The following EIF2B3 variants were observed in gnomAD, a reference collection of about 807,000 sequenced individuals.
The protein encoded by EIF2B3 is eukaryotic translation initiation factor 2B subunit gamma, also known as translation initiation factor eIF2B subunit gamma.
In EIF2B3, 20 loss-of-function variants were observed where a neutral mutation model predicts 54.1. The ratio of observed to expected loss-of-function variants is 0.37; its 90% CI spans 0.26 to 0.54. The LOEUF is 0.54. EIF2B3 is among the 20% of genes least tolerant of loss of function. The pLI, the probability that EIF2B3 is intolerant of heterozygous loss-of-function variation, is 0.86. For missense variants in EIF2B3, 448 were observed against 547.8 expected (o/e 0.82, Z 1.82); for synonymous variants, 153 against 188.1 (o/e 0.81, Z 1.52).
chr1:44,901,260 C>T (rs1442213315), intron 5 of EIF2B3, among the ~76,000 whole-genome samples: 3 of 152,010 alleles, frequency 2.0e-5, no homozygotes, highest in Non-Finnish European at 4.4e-5. Context: ...AGATTACAAG[C>T]GCCCACCACC....
In EIF2B3 at chr1:44,896,034, A is replaced by T. The variant is rs150818393; in HGVS notation, c.656+1321T>A. 3.3e-3 allele frequency among the ~76,000 whole-genome samples: 509 copies of T among 152,192 alleles called. 4 individuals are homozygous for T. Among genetic ancestry groups the T allele is most frequent in the African/African-American group, 0.011 (468 of 41,514 alleles). The stretch of plus-strand genomic sequence containing the variant: ...GAAATAGCTCTTGGATCACCCTCTA[A>T]ATCTTGGCAACAAGTTACCCTGCTA... On this transcript the variant is annotated intron_variant, in intron 6 of 11. Coordinates refer to ENST00000360403, the MANE Select transcript of EIF2B3 (RefSeq NM_020365.5).
intron 3 of EIF2B3, among the ~76,000 whole-genome samples, chr1:44,944,847 G>A (rs749323282): frequency 1.3e-5 from 2 of 151,872 alleles, no homozygotes; most frequent in Admixed American, 6.6e-5. Context: ...AAATAGTCTG[G>A]AAAACATTGG....
chr1:44,895,756 T>C (rs1413534109), intron 6 of EIF2B3, among the ~76,000 whole-genome samples: 1 of 152,176 alleles, frequency 6.6e-6, no homozygotes, highest in Non-Finnish European at 1.5e-5. Context: ...AATGAGTTGA[T>C]AATTGTTGAA....
intron 5 of EIF2B3, among the ~76,000 whole-genome samples, chr1:44,913,428 GA>G (rs35087933): frequency 6.6e-6 from 1 of 150,402 alleles, no homozygotes; most frequent in Non-Finnish European, 1.5e-5. Flanking sequence ...TCTTTATGGA[GA>G]AAAAAAAGAA....
chr1:44,903,155 T>C (rs952950177), intron 5 of EIF2B3, among the ~76,000 whole-genome samples: 3 of 152,140 alleles, frequency 2.0e-5, no homozygotes, highest in Non-Finnish European at 2.9e-5. Flanking sequence ...ATGAACACTG[T>C]ACAAAACATC....
At chr1:44,950,968 C>T (rs941800248) in intron 3 of EIF2B3, among the ~76,000 whole-genome samples, 1 of 152,168 alleles carries the variant, frequency 6.6e-6, no homozygotes, top group African/African-American at 2.4e-5. Context: ...GGATTACAGG[C>T]GTAAGCCACT....
chr1:44,852,575 T>G (rs1654307915), intron 11 of EIF2B3, among the ~76,000 whole-genome samples: 1 of 150,582 alleles, frequency 6.6e-6, no homozygotes, highest in Non-Finnish European at 1.5e-5. Flanking sequence ...AGGTCGGGAG[T>G]TCAAGACCAG....
At chr1:44,880,070 C>G (rs762494860) in intron 7 of EIF2B3, 62 bp from the exon 8 acceptor site, 1 of 1,569,190 alleles carries the variant, frequency 6.4e-7, no homozygotes, top group Non-Finnish European at 8.7e-7. Context: ...CAGATACAGA[C>G]TCAGTCAAGT....
intron 6 of EIF2B3, among the ~76,000 whole-genome samples, chr1:44,894,774 T>G (rs1254869563): frequency 6.6e-6 from 1 of 152,148 alleles, no homozygotes; most frequent in Non-Finnish European, 1.5e-5. Context: ...GCCTCCTACT[T>G]ATCTTGAAGA....
At chr1:44,911,621 G>A (rs927956949) in intron 5 of EIF2B3, among the ~76,000 whole-genome samples, 4 of 152,158 alleles carry the variant, frequency 2.6e-5, no homozygotes, top group African/African-American at 9.7e-5. Flanking sequence ...AGGTTAAAAA[G>A]AAAACAGAAA....
chr1:44,976,850 G>C (rs1453324954), intron 3 of EIF2B3, among the ~76,000 whole-genome samples: 1 of 152,156 alleles, frequency 6.6e-6, no homozygotes, highest in Non-Finnish European at 1.5e-5. Flanking sequence ...TTAATACATA[G>C]TGATAGAAAC....
In EIF2B3 at chr1:44,897,456, T is replaced by C. The variant is rs777386256; in HGVS notation, c.567-12A>G. On this transcript the variant is annotated splice_polypyrimidine_tract_variant and intron_variant, in intron 5 of 11. Coordinates refer to ENST00000360403, the MANE Select transcript of EIF2B3 (RefSeq NM_020365.5). ...GTATTCTAGGATGCCTGCAAAAAAA[T>C]AAAAAATAAAAGAAAGAAAGAAGAG... The C allele has an allele frequency of 5.7e-6, 9 of 1,588,052 alleles. No homozygotes were observed. The Admixed American group carries it at 1.5e-4, about 27-fold the overall frequency.
intron 5 of EIF2B3, among the ~76,000 whole-genome samples, chr1:44,901,397 T>C (rs1358810443): frequency 6.6e-6 from 1 of 151,866 alleles, no homozygotes; most frequent in East Asian, 2.0e-4. Flanking sequence ...ATTACAGGCG[T>C]GAGCCACTGC....
chr1:44,886,300 C>T lies in EIF2B3; in HGVS notation c.657-4561G>A, dbSNP rs263959. On this transcript the variant is annotated intron_variant, in intron 6 of 11. Coordinates refer to ENST00000360403, the MANE Select transcript of EIF2B3 (RefSeq NM_020365.5). The stretch of plus-strand genomic sequence containing the variant: ...TTCAACATGTTGGCCAGGCTGGTCT[C>T]GAACTCCTGACCTCATGATCTGACC... Among the ~76,000 whole-genome samples, 1,019 of 147,524 alleles carry T rather than the reference C, an allele frequency of 6.9e-3. 13 individuals are homozygous for T. Among genetic ancestry groups the T allele is most frequent in the African/African-American group, 0.024 (964 of 39,850 alleles).
At chr1:44,929,681 G>A (rs1014572926) in intron 4 of EIF2B3, among the ~76,000 whole-genome samples, 2 of 152,174 alleles carry the variant, frequency 1.3e-5, no homozygotes, top group African/African-American at 4.8e-5. Flanking sequence ...AAGAAACACG[G>A]AGATGTTATT....
intron 4 of EIF2B3, among the ~76,000 whole-genome samples, chr1:44,933,784 C>T (rs1405548350): frequency 1.3e-5 from 2 of 152,070 alleles, no homozygotes; most frequent in Non-Finnish European, 2.9e-5. Flanking sequence ...GCTATTAGGT[C>T]AAAATGCTAT....
At chr1:44,862,694 C>T (rs1212031978) in intron 10 of EIF2B3, among the ~76,000 whole-genome samples, 1 of 152,124 alleles carries the variant, frequency 6.6e-6, no homozygotes, top group Non-Finnish European at 1.5e-5. Context: ...GGCGCGATCT[C>T]GGCTCACTGT....
intron 5 of EIF2B3, among the ~76,000 whole-genome samples, chr1:44,911,711 TG>T (rs1452871464): frequency 8.6e-5 from 13 of 150,758 alleles, no homozygotes; most frequent in African/African-American, 1.5e-4. Flanking sequence ...TGTTTTGTTT[TG>T]TTTTTTTATT....
intron 6 of EIF2B3, among the ~76,000 whole-genome samples, chr1:44,893,425 T>C (rs573672163): frequency 2.0e-5 from 3 of 152,338 alleles, no homozygotes; most frequent in Admixed American, 6.5e-5. Context: ...CATATAAGCA[T>C]GTTGGCAACA....
Sources: allele counts gnomAD v4.1 joint callset (sites outside exome capture counted in the v4.1 genomes callset), GRCh38; gene constraint gnomAD v4.1.1; transcripts MANE v1.5; gene names NCBI Gene and HGNC (gene_info 2026-07-23, HGNC 2026-07-21).